Variants in PCMTD1 observed in about 807,000 individuals in gnomAD.
PCMTD1 encodes the protein protein-L-isoaspartate O-methyltransferase domain-containing protein 1.
A neutral mutation model predicts 37.6 loss-of-function variants in PCMTD1; 12 were observed. The observed-to-expected ratio is 0.32, with a 90% CI of 0.20 to 0.52. The LOEUF is 0.52. Among genes scored for constraint, PCMTD1 ranks in the 20% least tolerant of loss-of-function variants. The probability of loss-of-function intolerance (pLI) is 0.97; values close to 1 mark genes in which losing one functional copy is unlikely to be tolerated. For missense variants in PCMTD1, 235 were observed against 421.3 expected (o/e 0.56, Z 3.87); for synonymous variants, 117 against 135.8 (o/e 0.86, Z 0.96).
intron 1 of PCMTD1, among the ~76,000 whole-genome samples, chr8:51,861,970 G>A (rs377130597): frequency 1.3e-5 from 2 of 152,124 alleles, no homozygotes; most frequent in Middle Eastern, 3.4e-3. Flanking sequence ...CGCCCGGGCC[G>A]CACAAAGTGC....
At chr8:51,857,292 A>T (rs910684022) in intron 2 of PCMTD1, among the ~76,000 whole-genome samples, 1 of 152,128 alleles carries the variant, frequency 6.6e-6, no homozygotes, top group Non-Finnish European at 1.5e-5. Flanking sequence ...CCCCAGAGTC[A>T]CTCCTATTAA....
At chr8:51,835,222 C>A (rs747150107) in intron 3 of PCMTD1, among the ~76,000 whole-genome samples, 2 of 152,194 alleles carry the variant, frequency 1.3e-5, no homozygotes, top group Non-Finnish European at 2.9e-5. Flanking sequence ...GTTCCCTTAA[C>A]TTAAAATATC....
chr8:51,886,910 G>A (rs188104704), intron 1 of PCMTD1, among the ~76,000 whole-genome samples: 88 of 152,104 alleles, frequency 5.8e-4, no homozygotes, highest in African/African-American at 2.1e-3. Flanking sequence ...CCTTTCTGAA[G>A]GTTCTTTAGG....
At chr8:51,848,711 TAA>T (rs1408383389) in intron 2 of PCMTD1, among the ~76,000 whole-genome samples, 2 of 152,172 alleles carry the variant, frequency 1.3e-5, no homozygotes, top group Non-Finnish European at 2.9e-5. Flanking sequence ...TAATGAAAGA[TAA>T]AGACAATTCA....
intron 1 of PCMTD1, among the ~76,000 whole-genome samples, chr8:51,872,822 C>A (rs112876358): frequency 2.0e-5 from 3 of 152,256 alleles, no homozygotes; most frequent in African/African-American, 7.2e-5. Flanking sequence ...GTACTCTTTC[C>A]ATATATTAAT....
intron 1 of PCMTD1, among the ~76,000 whole-genome samples, chr8:51,897,843 T>C (rs1286616724): frequency 6.6e-6 from 1 of 152,148 alleles, no homozygotes; most frequent in Non-Finnish European, 1.5e-5. Context: ...TGTAATAAAA[T>C]GGAGGAATAT....
At chr8:51,832,157 A>G (rs2038007039) in intron 4 of PCMTD1, among the ~76,000 whole-genome samples, 1 of 152,220 alleles carries the variant, frequency 6.6e-6, no homozygotes, top group Non-Finnish European at 1.5e-5. Flanking sequence ...TTCTATCACA[A>G]AAAGCAGCTC....
In PCMTD1 at chr8:51,856,022, C is replaced by G. The variant is rs565301146; in HGVS notation, c.307+4823G>C. 9.9e-5 allele frequency among the ~76,000 whole-genome samples: 15 copies of G among 152,170 alleles called. No individual in the cohort carries two copies. The South Asian group carries it at 1.0e-3, about 11-fold the overall frequency. ...GAGAGTTGAGGGACGGGGGAACTGA[C>G]CACCCTGGATCTCCCTAATCTTTTG... On this transcript the variant is annotated intron_variant, in intron 2 of 5. Coordinates refer to ENST00000522514, the MANE Select transcript of PCMTD1 (RefSeq NM_052937.4).
chr8:51,819,169 T>G lies in PCMTD1; in HGVS notation c.*1182A>C, dbSNP rs2037808621. 1 of 151,992 alleles carries G rather than the reference T, an allele frequency of 6.6e-6. No individual in the cohort carries two copies. Among genetic ancestry groups the G allele is most frequent in the African/African-American group, 2.4e-5 (1 of 41,372 alleles). The allele number at this position is 151,992 out of a possible 1,614,324, so 9.4% of individuals were successfully genotyped here. A position where few individuals can be genotyped will look rare whatever the true frequency, so the allele number is the denominator to read the frequency against. On this transcript the variant is annotated 3_prime_UTR_variant, in exon 6 of 6. Coordinates refer to ENST00000522514, the MANE Select transcript of PCMTD1 (RefSeq NM_052937.4). Reference sequence around the variant, plus strand: ...AGTAAAAAATGAAAACCATTATAGTTTTACCAAAAGAAACACAAAAAATAT... The same window carrying G: ...AGTAAAAAATGAAAACCATTATAGTGTTACCAAAAGAAACACAAAAAATAT...
chr8:51,888,430 A>C (rs2038893413), intron 1 of PCMTD1, among the ~76,000 whole-genome samples: 1 of 152,212 alleles, frequency 6.6e-6, no homozygotes, highest in African/African-American at 2.4e-5. Flanking sequence ...CAAAATATTA[A>C]GACATTTAGG....
At chr8:51,876,301 A>G (rs1325927620) in intron 1 of PCMTD1, among the ~76,000 whole-genome samples, 1 of 152,244 alleles carries the variant, frequency 6.6e-6, no homozygotes, top group Non-Finnish European at 1.5e-5. Context: ...AAGATTGGGT[A>G]TAGCCTAGAC....
At chr8:51,849,670 A>G (rs550997412) in intron 2 of PCMTD1, 3 of 159,638 alleles carry the variant, frequency 1.9e-5, no homozygotes, top group African/African-American at 7.2e-5. Flanking sequence ...TCAAGTTTTC[A>G]AATCACATTC....
intron 1 of PCMTD1, among the ~76,000 whole-genome samples, chr8:51,866,719 G>A (rs148002263): frequency 1.5e-4 from 23 of 152,086 alleles, no homozygotes; most frequent in Non-Finnish European, 2.5e-4. Flanking sequence ...ATTAGTCTGG[G>A]CAAAGATTTC....
In PCMTD1 at chr8:51,859,533, C is replaced by T. The variant is rs1199444413; in HGVS notation, c.307+1312G>A. 9.2e-5 allele frequency among the ~76,000 whole-genome samples: 14 copies of T among 152,174 alleles called. 1 individual carries two copies. The highest frequency in any genetic ancestry group is 9.2e-4 in the Admixed American group (14 of 15,280). On this transcript the variant is annotated intron_variant, in intron 2 of 5. Transcript: ENST00000522514. The stretch of plus-strand genomic sequence containing the variant: ...GGAATGAAAGGCTTCCATCCCCACA[C>T]TCAAATGAAACAGATGGGAGGTCCC...
At position 51,871,756 on chromosome 8, in the gene PCMTD1, T is replaced by C. The variant is rs142838643; in HGVS notation, c.-95-10510A>G. Among the ~76,000 whole-genome samples the C allele has an allele frequency of 3.3e-5, 5 of 152,338 alleles. No individual in the cohort carries two copies. The East Asian group carries it at 9.6e-4, about 29-fold the overall frequency. On this transcript the variant is annotated intron_variant, in intron 1 of 5. Transcript: ENST00000522514. ...CACATGAAAGTTATAGTTTTCTACT[T>C]TGGAAAGTCCTGTCAAATTTCAATG...
chr8:51,843,501 C>T (rs3824266), intron 3 of PCMTD1, among the ~76,000 whole-genome samples: 104,454 of 151,642 alleles, frequency 0.69, 42,351 homozygotes, highest in Non-Finnish European at 0.9. Context: ...CTGTATTTTA[C>T]GATTCATCAT....
chr8:51,880,037 T>C (rs377010384), intron 1 of PCMTD1, among the ~76,000 whole-genome samples: 1 of 146,526 alleles, frequency 6.8e-6, no homozygotes, highest in Non-Finnish European at 1.5e-5. Context: ...AAAAAAAGTT[T>C]AAAAAAAAAA....
chr8:51,827,643 G>GTC (rs1007210092), intron 5 of PCMTD1, among the ~76,000 whole-genome samples: 5 of 152,084 alleles, frequency 3.3e-5, no homozygotes, highest in Non-Finnish European at 5.9e-5. Context: ...GAAAAAGGAG[G>GTC]GATGACTGTA....
chr8:51,898,326 G>A (rs1367648640), intron 1 of PCMTD1, among the ~76,000 whole-genome samples: 1 of 152,064 alleles, frequency 6.6e-6, no homozygotes, highest in Non-Finnish European at 1.5e-5. Flanking sequence ...AATTCCCCAA[G>A]CAAAACGCGG....
Sources: allele counts gnomAD v4.1 joint callset (sites outside exome capture counted in the v4.1 genomes callset), GRCh38; gene constraint gnomAD v4.1.1; transcripts MANE v1.5; gene names NCBI Gene and HGNC (gene_info 2026-07-23, HGNC 2026-07-21).